TASOR: variants seen among roughly 807,000 people sequenced by gnomAD.
TASOR encodes the protein protein TASOR.
In TASOR, 53 loss-of-function variants were observed where a neutral mutation model predicts 178.6. The observed-to-expected ratio is 0.30, with a 90% CI of 0.24 to 0.37. TASOR has a LOEUF of 0.37. TASOR is among the 10% of genes least tolerant of loss of function. TASOR has a pLI of 1.00. For synonymous variants in TASOR, 713 were observed against 696.2 expected (o/e 1.02, Z -0.38); for missense variants, 1,815 against 1,971.4 (o/e 0.92, Z 1.50).
At chr3:56,641,985 T>C (rs1235237802) in intron 14 of TASOR, among the ~76,000 whole-genome samples, 1 of 152,208 alleles carries the variant, frequency 6.6e-6, no homozygotes. Flanking sequence ...ATTCTATCAA[T>C]AGGAAAATAA....
At chr3:56,650,237 G>T (rs961955681) in intron 11 of TASOR, among the ~76,000 whole-genome samples, 1 of 152,116 alleles carries the variant, frequency 6.6e-6, no homozygotes, top group Non-Finnish European at 1.5e-5. Flanking sequence ...AGTAAACAAC[G>T]CCTGTATAAA....
chr3:56,668,637 T>C (rs2030316734), intron 5 of TASOR, 79 bp from the exon 6 acceptor site: 2 of 1,042,256 alleles, frequency 1.9e-6, no homozygotes, highest in East Asian at 2.7e-5. Context: ...GAAATACTTC[T>C]TTGAATATAG....
intron 7 of TASOR, 195 bp from the exon 8 acceptor site, chr3:56,663,767 C>T (rs945142516): frequency 9.7e-7 from 1 of 1,033,900 alleles, no homozygotes; most frequent in East Asian, 9.4e-5. Context: ...GAAGTACTTA[C>T]TTCGCTCAAA....
chr3:56,642,685 A>C (rs1425101757), intron 14 of TASOR, among the ~76,000 whole-genome samples: 3 of 152,152 alleles, frequency 2.0e-5, no homozygotes, highest in Non-Finnish European at 4.4e-5. Context: ...AACATATAAA[A>C]ATGTTCTGGC....
intron 9 of TASOR, among the ~76,000 whole-genome samples, chr3:56,661,348 G>T (rs974468710): frequency 2.0e-5 from 3 of 152,022 alleles, no homozygotes; most frequent in African/African-American, 7.2e-5. Flanking sequence ...TAGAGACAAG[G>T]TCTCCTTACG....
chr3:56,654,996 C>T (rs2077439898), intron 11 of TASOR, among the ~76,000 whole-genome samples: 1 of 152,116 alleles, frequency 6.6e-6, no homozygotes, highest in South Asian at 2.1e-4. Context: ...TACATACCAC[C>T]CCCACCATAA....
chr3:56,644,425 TGAG>T (rs1299307906), intron 14 of TASOR, among the ~76,000 whole-genome samples: 7 of 151,800 alleles, frequency 4.6e-5, no homozygotes, highest in Non-Finnish European at 8.8e-5. Flanking sequence ...GACAGAAAGC[TGAG>T]GAGAATATGA....
At chr3:56,680,047 G>A (rs949834832) in intron 1 of TASOR, among the ~76,000 whole-genome samples, 2 of 152,100 alleles carry the variant, frequency 1.3e-5, no homozygotes, top group Admixed American at 1.3e-4. Context: ...ATGAAGGGGG[G>A]GAACAGTTTT....
intron 1 of TASOR, among the ~76,000 whole-genome samples, chr3:56,678,385 G>T (rs1215833937): frequency 1.3e-5 from 2 of 151,628 alleles, no homozygotes; most frequent in Non-Finnish European, 1.5e-5. Context: ...GTTTCACCAC[G>T]TTGGCCAGGC....
At chr3:56,625,039 G>C (rs756571758) in intron 21 of TASOR, 33 bp from the exon 22 acceptor site, 22 of 1,583,172 alleles carry the variant, frequency 1.4e-5, no homozygotes, top group Non-Finnish European at 1.5e-5. Context: ...TTCTGGATCT[G>C]TACTTCTAAA....
chr3:56,634,118 A>G (rs2076970629), intron 17 of TASOR, 152 bp from the exon 18 acceptor site: 1 of 667,468 alleles, frequency 1.5e-6, no homozygotes, highest in Non-Finnish European at 2.4e-6. Flanking sequence ...TCTGGTATGA[A>G]TTCTATTCCC....
intron 21 of TASOR, among the ~76,000 whole-genome samples, chr3:56,626,168 T>C (rs1467574966): frequency 6.6e-6 from 1 of 152,224 alleles, no homozygotes; most frequent in Non-Finnish European, 1.5e-5. Context: ...ATACATTTTA[T>C]AGACTTTACT....
chr3:56,683,192 G>A lies in TASOR; in HGVS notation c.-186C>T, dbSNP rs985080436. 7.2e-5 allele frequency: 41 copies of A among 566,518 alleles called. No individual in the cohort carries two copies. Among genetic ancestry groups the A allele is most frequent in the Admixed American group, 6.1e-4 (18 of 29,748 alleles). 35.1% of individuals were successfully genotyped at this position (566,518 alleles called of 1,614,324 possible). A position where few individuals can be genotyped will look rare whatever the true frequency, so the allele number is the denominator to read the frequency against. On this transcript the variant is annotated 5_prime_UTR_variant, in exon 1 of 24. Coordinates refer to ENST00000683822, the MANE Select transcript of TASOR (RefSeq NM_001365635.2). ...GGGCCCTGTAGCGGGCACCCCAAAT[G>A]CGCTGCCCGGTCCTCGGAGCCGCTC...
chr3:56,634,395 G>T (rs1322427371), intron 17 of TASOR, among the ~76,000 whole-genome samples: 1 of 152,188 alleles, frequency 6.6e-6, no homozygotes, highest in East Asian at 1.9e-4. Flanking sequence ...AATTCTGAGT[G>T]TAAGGCAATT....
At chr3:56,625,191 G>A (rs2076771126) in intron 21 of TASOR, among the ~76,000 whole-genome samples, 185 bp from the exon 22 acceptor site, 1 of 152,210 alleles carries the variant, frequency 6.6e-6, no homozygotes, top group African/African-American at 2.4e-5. Flanking sequence ...TAAGTCCAGG[G>A]GTTTCTTGGT....
Position 56,657,016 on chromosome 3 carries a change from A to C in TASOR, c.1368+3715T>G, listed in dbSNP as rs1160695293. The stretch of plus-strand genomic sequence containing the variant: ...CAAGAGCGAAACACCGTCAAAAAAA[A>C]AAAAAAGAATACACTAAAGAAAGGG... On this transcript the variant is annotated intron_variant, in intron 11 of 23. Transcript: ENST00000683822. 3.3e-5 allele frequency among the ~76,000 whole-genome samples: 5 copies of C among 151,936 alleles called. No homozygotes were observed. The East Asian group carries it at 9.7e-4, about 29-fold the overall frequency.
intron 1 of TASOR, among the ~76,000 whole-genome samples, chr3:56,675,605 CATATAT>C (rs2031218283): frequency 6.6e-6 from 1 of 152,104 alleles, no homozygotes; most frequent in Non-Finnish European, 1.5e-5. Flanking sequence ...AAAGTCTATA[CATATAT>C]ATATTTCCCC....
At chr3:56,644,843 T>C (rs2077202997) in intron 14 of TASOR, among the ~76,000 whole-genome samples, 1 of 151,974 alleles carries the variant, frequency 6.6e-6, no homozygotes, top group Non-Finnish European at 1.5e-5. Flanking sequence ...CTTTCTGCAA[T>C]AATGGAAATG....
chr3:56,630,265 A>C (rs2076881406), intron 18 of TASOR, among the ~76,000 whole-genome samples: 2 of 152,200 alleles, frequency 1.3e-5, no homozygotes, highest in Admixed American at 1.3e-4. Flanking sequence ...AAGAAGCTTT[A>C]AGCTCATTTT....
Sources: allele counts gnomAD v4.1 joint callset (sites outside exome capture counted in the v4.1 genomes callset), GRCh38; gene constraint gnomAD v4.1.1; transcripts MANE v1.5; gene names NCBI Gene and HGNC (gene_info 2026-07-23, HGNC 2026-07-21).